Variants in PI4K2B observed in about 807,000 individuals in gnomAD.
The protein encoded by PI4K2B is phosphatidylinositol 4-kinase type 2-beta.
PI4K2B carries 46 observed loss-of-function variants against 56.6 expected under a neutral mutation model. The ratio of observed to expected loss-of-function variants is 0.81; its 90% CI spans 0.64 to 1.04. PI4K2B has a LOEUF of 1.04. Among genes scored for constraint, PI4K2B ranks in the 50% least tolerant of loss-of-function variants. The pLI is 0.00. For missense variants in PI4K2B, 556 were observed against 607.7 expected (o/e 0.91, Z 0.89); for synonymous variants, 211 against 223.8 (o/e 0.94, Z 0.51).
intron 7 of PI4K2B, among the ~76,000 whole-genome samples, chr4:25,265,435 A>G (rs1379982284): frequency 6.6e-6 from 1 of 151,874 alleles, no homozygotes; most frequent in African/African-American, 2.4e-5. Context: ...GTTTTCCATC[A>G]TTATTCTTTT....
chr4:25,258,061 A>G (rs1290267630), intron 4 of PI4K2B, among the ~76,000 whole-genome samples: 1 of 152,236 alleles, frequency 6.6e-6, no homozygotes, highest in Non-Finnish European at 1.5e-5. Context: ...GTTTACTATT[A>G]ACTAGTAATC....
Position 25,268,411 on chromosome 4 carries a change from C to T in PI4K2B, c.1079-32C>T, listed in dbSNP as rs568386698. 9.5e-5 allele frequency: 149 copies of T among 1,567,142 alleles called. No individual in the cohort carries two copies. The Middle Eastern group carries it at 1.2e-3, about 12-fold the overall frequency. Reference sequence around the variant, plus strand: ...GTAAGTCTAAATAAACCATTTCCTACCACTGATTAGGAGAATGCTTTTTTC... The same window carrying T: ...GTAAGTCTAAATAAACCATTTCCTATCACTGATTAGGAGAATGCTTTTTTC... On this transcript the variant is annotated intron_variant, in intron 7 of 9. Transcript: ENST00000264864.
At chr4:25,262,677 T>C (rs1372614068) in intron 6 of PI4K2B, among the ~76,000 whole-genome samples, 1 of 152,214 alleles carries the variant, frequency 6.6e-6, no homozygotes. Flanking sequence ...TTTTAATTTC[T>C]AAGTAAAGCA....
Position 25,236,362 on chromosome 4 carries a change from C to T in PI4K2B, c.268+1931C>T, listed in dbSNP as rs1207970283. 3.3e-5 allele frequency among the ~76,000 whole-genome samples: 5 copies of T among 151,972 alleles called. No individual in the cohort carries two copies. In the East Asian group the frequency reaches 5.8e-4, roughly 18 times the overall value. Reference sequence around the variant, plus strand: ...GTCAGGAGTTTTCAGACCAGCCTGGCCAACATGGTGAAACCCTGCCTCTAC... The same window carrying T: ...GTCAGGAGTTTTCAGACCAGCCTGGTCAACATGGTGAAACCCTGCCTCTAC... On this transcript the variant is annotated intron_variant, in intron 1 of 9. Transcript: ENST00000264864.
chr4:25,238,521 G>A (rs189855464), intron 1 of PI4K2B, among the ~76,000 whole-genome samples: 5 of 152,200 alleles, frequency 3.3e-5, no homozygotes, highest in African/African-American at 4.8e-5. Context: ...TCTTAAAGGC[G>A]GTGTGTTCGG....
rs554608040 is a variant in PI4K2B at position 25,265,152 on chromosome 4, G to A, written c.1078+1303G>A. ...AGAGGATGCTGTGAGCCGAGATCGC[G>A]CCATTGCACTCCAGCCTGGGCAACA... On this transcript the variant is annotated intron_variant, in intron 7 of 9. Coordinates refer to ENST00000264864, the MANE Select transcript of PI4K2B (RefSeq NM_018323.4). Among the ~76,000 whole-genome samples the A allele has an allele frequency of 7.5e-5, 9 of 119,254 alleles. No individual in the cohort carries two copies. In the South Asian group the frequency reaches 8.4e-4, roughly 11 times the overall value. The allele number at this position is 119,254 out of a possible 152,430, so 78.2% of individuals were successfully genotyped here.
At position 25,251,826 on chromosome 4, in the gene PI4K2B, G is replaced by GTTGTTGTTA. The variant is rs1553889412; in HGVS notation, c.269-493_269-492insGTTGTTATT. ...CTCCCATGTTGTTGTTGTTGTTGTT[G>GTTGTTGTTA]TTATTATTATTATTTGGACGGTGTC... On this transcript the variant is annotated intron_variant, in intron 1 of 9. Transcript: ENST00000264864. Among the ~76,000 whole-genome samples, 511 of 150,626 alleles carry GTTGTTGTTA rather than the reference G, an allele frequency of 3.4e-3. 5 individuals carry two copies. The highest frequency in any genetic ancestry group is 0.012 in the African/African-American group (478 of 40,842).
Position 25,278,524 on chromosome 4 carries a change from T to G in PI4K2B, c.*1337T>G, listed in dbSNP as rs1002965845. The G allele has an allele frequency of 6.6e-6, 1 of 152,620 alleles. No individual in the cohort carries two copies. The highest frequency in any genetic ancestry group is 2.4e-5 in the African/African-American group (1 of 41,454). The allele number at this position is 152,620 out of a possible 1,614,324, so 9.5% of individuals were successfully genotyped here. On this transcript the variant is annotated 3_prime_UTR_variant, in exon 10 of 10. Coordinates refer to ENST00000264864, the MANE Select transcript of PI4K2B (RefSeq NM_018323.4). ...ATGCAAAACAGATCTGCCATTCCTTTTTCCCTTATATCTTCCTTTTGGTCT... is the reference window on the plus strand; with the variant it reads ...ATGCAAAACAGATCTGCCATTCCTTGTTCCCTTATATCTTCCTTTTGGTCT...
intron 4 of PI4K2B, among the ~76,000 whole-genome samples, chr4:25,258,068 A>G (rs1716318525): frequency 6.6e-6 from 1 of 152,222 alleles, no homozygotes. Flanking sequence ...ATTAACTAGT[A>G]ATCTTAGTAA....
chr4:25,260,608 TTTTATATATATATA>T lies in PI4K2B; in HGVS notation c.978+19_978+32del. On this transcript the variant is annotated intron_variant, in intron 6 of 9. Transcript: ENST00000264864. ...GACCATAAGGTAAGGAAATTTACAATTTTATATATATATATATATATATATATATATATACACAC... is the reference window on the plus strand; with the variant it reads ...GACCATAAGGTAAGGAAATTTACAATTATATATATATATATATATACACAC... The T allele has an allele frequency of 4.7e-6, 2 of 429,236 alleles. No individual in the cohort carries two copies. The highest frequency in any genetic ancestry group is 3.9e-5 in the South Asian group (1 of 25,590). The allele number at this position is 429,236 out of a possible 1,614,324, so 26.6% of individuals were successfully genotyped here. A position where few individuals can be genotyped will look rare whatever the true frequency, so the allele number is the denominator to read the frequency against.
At chr4:25,243,290 C>G (rs576040486) in intron 1 of PI4K2B, among the ~76,000 whole-genome samples, 124 of 152,336 alleles carry the variant, frequency 8.1e-4, no homozygotes, top group African/African-American at 2.9e-3. Context: ...GGGCAGTGCA[C>G]CTTCCAGTGA....
At chr4:25,259,316 G>A in intron 5 of PI4K2B, 126 bp downstream of exon 5, 1 of 643,492 alleles carries the variant, frequency 1.6e-6, no homozygotes, top group South Asian at 2.0e-5. Flanking sequence ...GTCTGTCTTG[G>A]CAAACAGATG....
chr4:25,236,768 T>G (rs1715279539), intron 1 of PI4K2B, among the ~76,000 whole-genome samples: 1 of 152,200 alleles, frequency 6.6e-6, no homozygotes, highest in Non-Finnish European at 1.5e-5. Context: ...CGTTTTGCCA[T>G]GGGTCCACAA....
chr4:25,250,039 G>A (rs1271672319), intron 1 of PI4K2B, among the ~76,000 whole-genome samples: 4 of 152,194 alleles, frequency 2.6e-5, no homozygotes, highest in Non-Finnish European at 4.4e-5. Flanking sequence ...CCAACACGGC[G>A]AAACCCCGTC....
At chr4:25,244,429 G>A (rs552034672) in intron 1 of PI4K2B, among the ~76,000 whole-genome samples, 1 of 152,276 alleles carries the variant, frequency 6.6e-6, no homozygotes, top group East Asian at 1.9e-4. Flanking sequence ...AGAAAGCTTG[G>A]ACATAAGGTA....
intron 9 of PI4K2B, chr4:25,276,194 G>A (rs1717085628): frequency 1.3e-5 from 2 of 153,116 alleles, no homozygotes; most frequent in African/African-American, 4.8e-5. Flanking sequence ...AAAAGAAGAT[G>A]AACTGCTATA....
chr4:25,248,965 C>T (rs141515932), intron 1 of PI4K2B, among the ~76,000 whole-genome samples: 4,032 of 151,988 alleles, frequency 0.027, 94 homozygotes, highest in African/African-American at 0.046. Flanking sequence ...TGCCGCCTTC[C>T]GCAGTGTTTG....
chr4:25,256,467 G>C, intron 3 of PI4K2B, 76 bp from the exon 4 acceptor site: 1 of 1,314,940 alleles, frequency 7.6e-7, no homozygotes, highest in Non-Finnish European at 1.1e-6. Flanking sequence ...CATCATTAGA[G>C]TGAGTTTCAT....
intron 1 of PI4K2B, among the ~76,000 whole-genome samples, chr4:25,243,826 C>T (rs1397832625): frequency 1.3e-5 from 2 of 152,180 alleles, no homozygotes; most frequent in Non-Finnish European, 2.9e-5. Flanking sequence ...CACAGGTCGA[C>T]AGATGTTTAC....
Sources: gnomAD v4.1 joint callset for allele counts (sites outside exome capture counted in the v4.1 genomes callset) on GRCh38, gnomAD v4.1.1 for gene constraint, MANE v1.5 for transcripts, NCBI Gene and HGNC (gene_info 2026-07-23, HGNC 2026-07-21) for gene names.